Variants in RASGRF1 observed in about 807,000 individuals in gnomAD.
RASGRF1 encodes Ras protein specific guanine nucleotide releasing factor 1, also known as ras-specific guanine nucleotide-releasing factor 1.
In RASGRF1, 40 loss-of-function variants were observed where a neutral mutation model predicts 138.7. That is an observed-to-expected ratio of 0.29 (90% CI 0.22 to 0.38). The LOEUF (loss-of-function observed/expected upper bound fraction) is 0.38, where lower values mean the gene tolerates loss of function less well. Among genes scored for constraint, RASGRF1 ranks in the 10% least tolerant of loss-of-function variants. The pLI is 1.00. For synonymous variants in RASGRF1, 614 were observed against 663.2 expected, an observed-to-expected ratio of 0.93 and a Z score of 1.14; for missense variants, 1,108 against 1,650.4, an observed-to-expected ratio of 0.67 and a Z score of 5.69.
In RASGRF1 at chr15:79,069,710, G is replaced by T. The variant is rs114604939; in HGVS notation, c.277-5184C>A. Among the ~76,000 whole-genome samples the T allele has an allele frequency of 8.3e-3, 1,259 of 152,270 alleles. 20 individuals carry two copies. The highest frequency in any genetic ancestry group is 0.028 in the African/African-American group (1,177 of 41,536). On this transcript the variant is annotated intron_variant, in intron 1 of 26. Coordinates refer to ENST00000558480, the MANE Select transcript of RASGRF1 (RefSeq NM_001145648.3). ...AGTAAGGGAAGTCAAAGATTTGGGGGAAACGGGGGCAGAAGAAGGGACTTC... is the reference window on the plus strand; with the variant it reads ...AGTAAGGGAAGTCAAAGATTTGGGGTAAACGGGGGCAGAAGAAGGGACTTC...
At chr15:79,035,089 G>A (rs2057199454) in intron 6 of RASGRF1, 42 bp downstream of exon 6, 1 of 1,543,934 alleles carries the variant, frequency 6.5e-7, no homozygotes, top group African/African-American at 1.4e-5. Flanking sequence ...GGCCCCTGGA[G>A]GGGGACTTCT....
intron 1 of RASGRF1, among the ~76,000 whole-genome samples, chr15:79,078,375 G>A (rs561781672): frequency 6.6e-6 from 1 of 152,160 alleles, no homozygotes; most frequent in Non-Finnish European, 1.5e-5. Flanking sequence ...TGCAGTGCAT[G>A]CTCACCAACG....
chr15:79,035,277 C>G (rs1051027142), intron 5 of RASGRF1, 67 bp from the exon 6 acceptor site: 4 of 1,330,886 alleles, frequency 3.0e-6, no homozygotes, highest in Non-Finnish European at 4.2e-6. Context: ...GTGACTGTCC[C>G]CAAACCTCCT....
At chr15:79,028,657 T>A (rs1227131567) in intron 8 of RASGRF1, among the ~76,000 whole-genome samples, 1 of 152,056 alleles carries the variant, frequency 6.6e-6, no homozygotes, top group East Asian at 1.9e-4. Context: ...AGAGGGGAAT[T>A]TGGCAGTGGC....
intron 4 of RASGRF1, among the ~76,000 whole-genome samples, chr15:79,047,851 T>C (rs952664494): frequency 2.0e-5 from 3 of 152,126 alleles, no homozygotes; most frequent in Admixed American, 1.3e-4. Flanking sequence ...GCAGAGGTGC[T>C]CATACAGTAT....
intron 1 of RASGRF1, among the ~76,000 whole-genome samples, chr15:79,071,723 G>A (rs2057758682): frequency 6.6e-6 from 1 of 151,872 alleles, no homozygotes; most frequent in African/African-American, 2.4e-5. Flanking sequence ...TTTCTCCTCT[G>A]TGTCCCCTTC....
intron 5 of RASGRF1, among the ~76,000 whole-genome samples, chr15:79,039,760 G>GA (rs2057271939): frequency 6.6e-6 from 1 of 152,028 alleles, no homozygotes; most frequent in Admixed American, 6.6e-5. Flanking sequence ...TAGATATAGG[G>GA]AAAAACTACT....
Position 78,960,992 on chromosome 15 carries a change from G to A in RASGRF1, c.*1152C>T, listed in dbSNP as rs964801610. 3 of 152,166 alleles carry A rather than the reference G, an allele frequency of 2.0e-5. No individual in the cohort carries two copies. Among genetic ancestry groups the A allele is most frequent in the Non-Finnish European group, 2.9e-5 (2 of 68,028 alleles). The allele number at this position is 152,166 out of a possible 1,614,324, so 9.4% of individuals were successfully genotyped here. On this transcript the variant is annotated 3_prime_UTR_variant, in exon 27 of 27. Coordinates refer to ENST00000558480, the MANE Select transcript of RASGRF1 (RefSeq NM_001145648.3). ...AAAATGGAAATTTTTTTCCAAACAA[G>A]CTGTAAGTTGAAATATTTTAGGACT...
intron 14 of RASGRF1, chr15:79,005,728 TCCC>T: frequency 1.9e-6 from 1 of 520,048 alleles, no homozygotes; most frequent in Non-Finnish European, 2.4e-6. Flanking sequence ...TCTCCCTCCC[TCCC>T]TCCCTCCCTC....
rs1332010695 is a variant in RASGRF1 at position 78,973,520 on chromosome 15, A to C, written c.3495-100T>G. ...ATGCACCTTTTGCTTTGCTAGAGGC[A>C]AAGGGACTTGCAGTCACCAAGAATC... On this transcript the variant is annotated intron_variant, in intron 24 of 26. Coordinates refer to ENST00000558480, the MANE Select transcript of RASGRF1 (RefSeq NM_001145648.3). The surrounding 1 kb of genome is among the most constrained non-coding windows in gnomAD (Gnocchi z 4.9). The C allele has an allele frequency of 1.1e-6, 1 of 870,648 alleles. No individual in the cohort carries two copies. Among genetic ancestry groups the C allele is most frequent in the Non-Finnish European group, 1.9e-6 (1 of 540,506 alleles). 53.9% of individuals were successfully genotyped at this position (870,648 alleles called of 1,614,324 possible). A position where few individuals can be genotyped will look rare whatever the true frequency, so the allele number is the denominator to read the frequency against.
At chr15:78,968,715 T>TTA (rs2055693544) in intron 26 of RASGRF1, among the ~76,000 whole-genome samples, 1 of 152,220 alleles carries the variant, frequency 6.6e-6, no homozygotes. Flanking sequence ...TAGCCTCTGT[T>TTA]CCCAACTCTG....
chr15:78,993,645 G>A (rs1340347734), intron 20 of RASGRF1, among the ~76,000 whole-genome samples: 1 of 152,098 alleles, frequency 6.6e-6, no homozygotes, highest in Non-Finnish European at 1.5e-5. Flanking sequence ...ATAAATACAG[G>A]TGGGCAGCCC....
At chr15:79,012,560 C>T (rs1242515155) in intron 13 of RASGRF1, 2 of 1,613,940 alleles carry the variant, frequency 1.2e-6, no homozygotes, top group Non-Finnish European at 1.7e-6. Context: ...GATTGGTAAG[C>T]AGATGGGTCC....
chr15:79,044,475 C>T (rs565369718), intron 5 of RASGRF1, among the ~76,000 whole-genome samples: 2 of 152,322 alleles, frequency 1.3e-5, no homozygotes, highest in South Asian at 2.1e-4. Context: ...ACCCAGCACG[C>T]AGGGAGGCAC....
At chr15:79,029,549 C>T (rs1017450935) in intron 8 of RASGRF1, among the ~76,000 whole-genome samples, 1 of 151,958 alleles carries the variant, frequency 6.6e-6, no homozygotes, top group Non-Finnish European at 1.5e-5. Flanking sequence ...GTTTCAAGGT[C>T]GCGAGGCTCC....
chr15:79,023,955 C>T (rs946973578), intron 10 of RASGRF1, among the ~76,000 whole-genome samples: 2 of 151,668 alleles, frequency 1.3e-5, no homozygotes, highest in Non-Finnish European at 2.9e-5. Flanking sequence ...GATACAAAAA[C>T]ACATACCACA....
chr15:79,047,273 C>A (rs746219456), intron 4 of RASGRF1, among the ~76,000 whole-genome samples: 4 of 152,156 alleles, frequency 2.6e-5, no homozygotes, highest in Admixed American at 1.3e-4. Context: ...CAAATTGGAT[C>A]GGCATCTCTG....
rs560630962 is a variant in RASGRF1, at chr15:79,043,091, G to A, written c.878+3655C>T. On this transcript the variant is annotated intron_variant, in intron 5 of 26. Transcript: ENST00000558480. ...AGGGTAGAGGAGAGGAACCAGCCTC[G>A]TCAGACTTGCAACCATTGATATAAC... 1.1e-4 allele frequency among the ~76,000 whole-genome samples: 16 copies of A among 152,150 alleles called. 1 individual carries two copies. Among genetic ancestry groups the A allele is most frequent in the Admixed American group, 2.6e-4 (4 of 15,280 alleles).
At chr15:79,055,526 T>C (rs987659713) in intron 3 of RASGRF1, among the ~76,000 whole-genome samples, 5 of 152,000 alleles carry the variant, frequency 3.3e-5, no homozygotes, top group Admixed American at 1.3e-4. Context: ...ATTGGAAGCA[T>C]TGCTCCGAAA....
Sources: allele counts gnomAD v4.1 joint callset (sites outside exome capture counted in the v4.1 genomes callset), GRCh38; gene constraint gnomAD v4.1.1; non-coding constraint Gnocchi (gnomAD v3.1); transcripts MANE v1.5; gene names NCBI Gene and HGNC (gene_info 2026-07-23, HGNC 2026-07-21).